CFAP95: variants seen among roughly 807,000 people sequenced by gnomAD.
CFAP95 encodes cilia and flagella associated protein 95.
chr9:69,879,471 A>C, the CFAP95 span, among the ~76,000 whole-genome samples: 129 of 152,220 alleles, frequency 8.5e-4, 1 homozygote, highest in African/African-American at 3.0e-3. Context: ...ATGCATATTC[A>C]GGAGGTTCGG....
At chr9:69,843,555 CTCCTTCTTCTTCT>C in the CFAP95 span, among the ~76,000 whole-genome samples, 3 of 26,030 alleles carry the variant, frequency 1.2e-4, no homozygotes, top group South Asian at 3.6e-3. Flanking sequence ...CCTCCTCCTC[CTCCTTCTTCTTCT>C]TCTTCTTCTT....
chr9:69,847,601 T>C, the CFAP95 span, among the ~76,000 whole-genome samples: 3 of 152,224 alleles, frequency 2.0e-5, no homozygotes, highest in East Asian at 5.8e-4. Flanking sequence ...TCTCACTGCA[T>C]ATGTGTTGGG....
chr9:69,905,960 C>A, the CFAP95 span: 2 of 1,599,394 alleles, frequency 1.3e-6, no homozygotes, highest in Non-Finnish European at 1.7e-6. Context: ...ATAGGCTTAT[C>A]CCTGTCAAGA....
the CFAP95 span, among the ~76,000 whole-genome samples, chr9:69,839,816 C>T: frequency 6.6e-6 from 1 of 151,708 alleles, no homozygotes; most frequent in Non-Finnish European, 1.5e-5. Flanking sequence ...TGGCTCCCGC[C>T]TGTAATCCCA....
At chr9:69,863,841 C>G in the CFAP95 span, among the ~76,000 whole-genome samples, 2 of 152,116 alleles carry the variant, frequency 1.3e-5, no homozygotes, top group Non-Finnish European at 2.9e-5. Flanking sequence ...AGTTCCTTCT[C>G]TATTCCCACC....
At chr9:69,838,047 T>C in the CFAP95 span, among the ~76,000 whole-genome samples, 4 of 152,242 alleles carry the variant, frequency 2.6e-5, no homozygotes, top group African/African-American at 7.2e-5. Flanking sequence ...GTTGTAGATA[T>C]GCAGCATTAT....
At chr9:69,844,304 A>G in the CFAP95 span, among the ~76,000 whole-genome samples, 7 of 152,304 alleles carry the variant, frequency 4.6e-5, no homozygotes, top group Non-Finnish European at 8.8e-5. Flanking sequence ...GGGTGATATT[A>G]TTAGTTTTAT....
At chr9:69,861,730 CAAA>C in the CFAP95 span, among the ~76,000 whole-genome samples, 1,250 of 86,832 alleles carry the variant, frequency 0.014, 14 homozygotes, top group African/African-American at 0.048. Flanking sequence ...TCTTATGAGT[CAAA>C]AAAAAAAAAA....
chr9:69,858,038 T>C, the CFAP95 span: 7 of 1,522,176 alleles, frequency 4.6e-6, no homozygotes, highest in Middle Eastern at 1.7e-4. Context: ...AAGGTTTGTT[T>C]GCAGGGGCAA....
chr9:69,874,564 A>G, the CFAP95 span, among the ~76,000 whole-genome samples: 2 of 152,188 alleles, frequency 1.3e-5, no homozygotes, highest in Non-Finnish European at 1.5e-5. Flanking sequence ...TCCTTGGAAG[A>G]GCCTGACTTC....
the CFAP95 span, among the ~76,000 whole-genome samples, chr9:69,836,987 T>C: frequency 6.6e-6 from 1 of 151,256 alleles, no homozygotes; most frequent in Non-Finnish European, 1.5e-5. Flanking sequence ...GGTGTTTGGT[T>C]TTCTGTTCTT....
the CFAP95 span, among the ~76,000 whole-genome samples, chr9:69,875,226 G>A: frequency 6.6e-6 from 1 of 151,782 alleles, no homozygotes; most frequent in African/African-American, 2.4e-5. Flanking sequence ...TTTTTTTAAG[G>A]GGGTGAGGGA....
the CFAP95 span, among the ~76,000 whole-genome samples, chr9:69,855,591 C>T: frequency 6.6e-6 from 1 of 152,090 alleles, no homozygotes; most frequent in Non-Finnish European, 1.5e-5. Flanking sequence ...GATAGTCATT[C>T]AGGAGGTTGA....
At chr9:69,905,341 C>A in the CFAP95 span, among the ~76,000 whole-genome samples, 1 of 152,058 alleles carries the variant, frequency 6.6e-6, no homozygotes, top group Non-Finnish European at 1.5e-5. Context: ...CTGCCATTAC[C>A]CTTGGTGTAA....
At chr9:69,891,546 T>C in the CFAP95 span, among the ~76,000 whole-genome samples, 1 of 151,854 alleles carries the variant, frequency 6.6e-6, no homozygotes, top group South Asian at 2.1e-4. Context: ...ATATCTAAAC[T>C]ACCTATTGGG....
the CFAP95 span, chr9:69,905,951 T>A: frequency 6.4e-7 from 1 of 1,568,334 alleles, no homozygotes; most frequent in South Asian, 1.2e-5. Flanking sequence ...TTTTCCCCCA[T>A]AGGCTTATCC....
chr9:69,831,530 TCCTC>T, the CFAP95 span, among the ~76,000 whole-genome samples: 1 of 152,158 alleles, frequency 6.6e-6, no homozygotes, highest in African/African-American at 2.4e-5. Context: ...GACTAAGACA[TCCTC>T]CCTGCCTTTA....
chr9:69,857,252 C>G, the CFAP95 span, among the ~76,000 whole-genome samples: 1 of 152,104 alleles, frequency 6.6e-6, no homozygotes, highest in Non-Finnish European at 1.5e-5. Flanking sequence ...AAGGCATTTC[C>G]TCAGGAATAG....
the CFAP95 span, among the ~76,000 whole-genome samples, chr9:69,860,075 T>TACTGTAG: frequency 9.8e-5 from 15 of 152,372 alleles, no homozygotes; most frequent in African/African-American, 3.6e-4. Flanking sequence ...TACTAAATAC[T>TACTGTAG]ACTGTAGACT....
Sources: gnomAD v4.1 joint callset for allele counts (sites outside exome capture counted in the v4.1 genomes callset) on GRCh38, gnomAD v4.1.1 for gene constraint, MANE v1.5 for transcripts, NCBI Gene and HGNC (gene_info 2026-07-23, HGNC 2026-07-21) for gene names.